ASMTL: variants seen among roughly 807,000 people sequenced by gnomAD.
ASMTL encodes acetylserotonin O-methyltransferase like.
In ASMTL, 57 loss-of-function variants were observed where a neutral mutation model predicts 60.3. The ratio of observed to expected loss-of-function variants is 0.95; its 90% CI spans 0.76 to 1.18. ASMTL has a LOEUF of 1.18. Ranked by LOEUF, ASMTL falls within the 50% of genes most tolerant of loss-of-function variation. ASMTL has a pLI of 0.00. For synonymous variants in ASMTL, 419 were observed against 373.0 expected (o/e 1.12, Z -1.42); for missense variants, 981 against 852.6 (o/e 1.15, Z -1.88).
chrX:1,424,381 CATCT>C (rs1368956377), intron 8 of ASMTL, among the ~76,000 whole-genome samples: 1 of 151,352 alleles, frequency 6.6e-6, no homozygotes, highest in East Asian at 1.9e-4. Context: ...CCCTCCCATC[CATCT>C]GTCCACCCAC....
chrX:1,417,148 T>A, intron 11 of ASMTL, among the ~76,000 whole-genome samples: 1 of 142,452 alleles, frequency 7.0e-6, no homozygotes, highest in Non-Finnish European at 1.5e-5. Context: ...ACCACAGCAG[T>A]CACATATGCA....
Position 1,419,574 on chromosome X carries a change from TCCTC to T in ASMTL, c.1246-464_1246-461del, listed in dbSNP as rs1194334380. ...GAATTCTGGTGTGCAGAGGAGAAGC[TCCTC>T]CGAGCTTCTCCAAGTCCCCCCAGTG... On this transcript the variant is annotated intron_variant, in intron 9 of 12. Coordinates refer to ENST00000381317, the MANE Select transcript of ASMTL (RefSeq NM_004192.4). Among the ~76,000 whole-genome samples, 7 of 150,864 alleles carry T rather than the reference TCCTC, an allele frequency of 4.6e-5. No homozygotes were observed. The South Asian group carries it at 6.3e-4, about 14-fold the overall frequency.
chrX:1,453,011 G>C (rs1360991437), upstream of ASMTL: 9 of 549,394 alleles, frequency 1.6e-5, no homozygotes, highest in Non-Finnish European at 2.8e-5. Context: ...CTCCCCGCGA[G>C]ACCGCGCCCA....
At chrX:1,435,977 C>T (rs1353874102) in intron 3 of ASMTL, among the ~76,000 whole-genome samples, 2 of 152,134 alleles carry the variant, frequency 1.3e-5, no homozygotes, top group Non-Finnish European at 2.9e-5. Flanking sequence ...AGACCCTGTC[C>T]CCACGCAGCT....
intron 8 of ASMTL, among the ~76,000 whole-genome samples, chrX:1,423,055 C>A (rs2090522106): frequency 6.6e-6 from 1 of 152,166 alleles, no homozygotes; most frequent in Non-Finnish European, 1.5e-5. Flanking sequence ...TGGGTTCATG[C>A]CATTGTCCTC....
At chrX:1,452,283 A>AG (rs1200852922) in intron 1 of ASMTL, among the ~76,000 whole-genome samples, 14 of 115,804 alleles carry the variant, frequency 1.2e-4, no homozygotes, top group Admixed American at 3.4e-4. Context: ...CCCCATCCCT[A>AG]GGGGGGGTCT....
intron 12 of ASMTL, among the ~76,000 whole-genome samples, chrX:1,405,831 G>A (rs2089807523): frequency 6.6e-6 from 1 of 150,764 alleles, no homozygotes; most frequent in Non-Finnish European, 1.5e-5. Context: ...ATAGATGGTA[G>A]CTGATGGGTA....
At position 1,444,461 on chromosome X, in the gene ASMTL, G is replaced by A. The variant is rs181128816; in HGVS notation, c.94-2144C>T. ...TGACCTCAGGTGATCCGCCCGCCTC[G>A]GCCTCCCAAAGTGCTGGGATTACAG... is the stretch of plus-strand genomic sequence containing the variant. On this transcript the variant is annotated intron_variant, in intron 1 of 12. Coordinates refer to ENST00000381317, the MANE Select transcript of ASMTL (RefSeq NM_004192.4). 8.5e-3 allele frequency among the ~76,000 whole-genome samples: 1,290 copies of A among 152,116 alleles called. 12 individuals carry two copies. Among genetic ancestry groups the A allele is most frequent in the Admixed American group, 0.014 (208 of 15,266 alleles).
intron 9 of ASMTL, among the ~76,000 whole-genome samples, chrX:1,420,709 A>G (rs1194194150): frequency 6.6e-6 from 1 of 152,250 alleles, no homozygotes; most frequent in East Asian, 1.9e-4. Flanking sequence ...AGCGCTTTGC[A>G]AACAGCGGCC....
intron 10 of ASMTL, among the ~76,000 whole-genome samples, chrX:1,418,508 C>T (rs1298946628): frequency 6.6e-6 from 1 of 151,726 alleles, no homozygotes; most frequent in Non-Finnish European, 1.5e-5. Context: ...CATGGGGATG[C>T]AGACACGATG....
At chrX:1,416,161 A>G (rs1274805385) in intron 11 of ASMTL, among the ~76,000 whole-genome samples, 1 of 151,528 alleles carries the variant, frequency 6.6e-6, no homozygotes, top group African/African-American at 2.4e-5. Flanking sequence ...ACACACATGG[A>G]CATACAGATA....
chrX:1,438,688 A>G (rs2091035725), intron 3 of ASMTL, among the ~76,000 whole-genome samples: 1 of 152,230 alleles, frequency 6.6e-6, no homozygotes, highest in African/African-American at 2.4e-5. Context: ...TTGATGATAT[A>G]GAATTAATGT....
intron 12 of ASMTL, among the ~76,000 whole-genome samples, chrX:1,406,846 T>C (rs2089869521): frequency 1.3e-5 from 2 of 151,526 alleles, no homozygotes; most frequent in South Asian, 4.2e-4. Flanking sequence ...GATGAATGGA[T>C]GGATAGATGG....
Position 1,428,951 on chromosome X carries a change from C to T in ASMTL, c.510-830G>A, listed in dbSNP as rs1486916058. Among the ~76,000 whole-genome samples the T allele has an allele frequency of 9.9e-5, 15 of 151,426 alleles. No homozygotes were observed. The South Asian group carries it at 3.2e-3, about 32-fold the overall frequency. ...TCGCTCTGTCGCCCAGGCTGGAGTG[C>T]AGTGGCGCGATCTCGGCTCCCTGCA... On this transcript the variant is annotated intron_variant, in intron 6 of 12. Coordinates refer to ENST00000381317, the MANE Select transcript of ASMTL (RefSeq NM_004192.4).
In ASMTL at chrX:1,452,824, A is replaced by G; in HGVS notation, c.17T>C (p.Val6Ala). The G allele has an allele frequency of 1.3e-6, 2 of 1,592,824 alleles. No homozygotes were observed. The highest frequency in any genetic ancestry group is 1.7e-6 in the Non-Finnish European group (2 of 1,176,484). The change falls in exon 1 of 13, where the codon GTG becomes GCG. Residue 6 changes from valine to alanine, a missense_variant. Val to Ala is a moderately conservative substitution (Grantham distance 64). Transcript: ENST00000381317. ...GCGCTTGTGCAGCAGCTTCCCAATC[A>G]CCGGGCACAGCACCATGGCGTCCAC... The part of the protein sequence containing the change: MVLCP[V>A]IGKLLHKRVV...
Position 1,452,812 on chromosome X carries a change from A to G in ASMTL, c.29T>C (p.Leu10Pro). 6.3e-7 allele frequency: 1 copy of G among 1,595,686 alleles called. No homozygotes were observed. Among genetic ancestry groups the G allele is most frequent in the Non-Finnish European group, 8.5e-7 (1 of 1,177,276 alleles). Residue 10 changes from leucine to proline, a missense_variant, in exon 1 of 13, where the codon CTG (leucine) becomes CCG (proline). By Grantham distance (98) the Leu-to-Pro change is moderately conservative. Transcript: ENST00000381317. MVLCPVIGK[L>P]LHKRVVLASA... ...GGCCAGCACCACGCGCTTGTGCAGCAGCTTCCCAATCACCGGGCACAGCAC... is the reference window on the plus strand; with the variant it reads ...GGCCAGCACCACGCGCTTGTGCAGCGGCTTCCCAATCACCGGGCACAGCAC...
Position 1,421,700 on chromosome X carries a change from C to T in ASMTL, c.1203G>A (p.Gln401=). The T allele has an allele frequency of 1.2e-6, 2 of 1,613,942 alleles. No individual in the cohort carries two copies. The highest frequency in any genetic ancestry group is 1.7e-6 in the Non-Finnish European group (2 of 1,179,854). ...LEFAIREGTN[Q]HHRALGKKAE... ...CCTTCTTCCCCAACGCCCTGTGGTGCTGGTTTGTTCCCTCTCGGATGGCAA... is the reference window on the plus strand; with the variant it reads ...CCTTCTTCCCCAACGCCCTGTGGTGTTGGTTTGTTCCCTCTCGGATGGCAA... Residue 401 remains glutamine, a synonymous_variant, in exon 9 of 13, where the codon CAG becomes CAA. Transcript: ENST00000381317.
chrX:1,442,371 G>C lies in ASMTL; in HGVS notation c.94-54C>G, dbSNP rs777682144. 1.3e-4 allele frequency: 202 copies of C among 1,603,338 alleles called. 1 individual carries two copies. The African/African-American group carries it at 2.2e-3, about 18-fold the overall frequency. ...GTCAATGAAAGACCCTATGAAAAGT[G>C]AATGGGACATGCAAGATTTGCAGGA... On this transcript the variant is annotated intron_variant, in intron 1 of 12. Coordinates refer to ENST00000381317, the MANE Select transcript of ASMTL (RefSeq NM_004192.4).
chrX:1,415,936 G>A (rs1290685866), intron 11 of ASMTL, among the ~76,000 whole-genome samples: 2 of 151,934 alleles, frequency 1.3e-5, no homozygotes, highest in African/African-American at 4.8e-5. Context: ...CACAAGACAT[G>A]CACACACGGA....
Sources: gnomAD v4.1 joint callset for allele counts (sites outside exome capture counted in the v4.1 genomes callset) on GRCh38, gnomAD v4.1.1 for gene constraint, MANE v1.5 for transcripts, NCBI Gene and HGNC (gene_info 2026-07-23, HGNC 2026-07-21) for gene names.